RUFY3: variants seen among roughly 807,000 people sequenced by gnomAD.
The protein encoded by RUFY3 is RUN and FYVE domain containing 3.
Under a neutral mutation model 84.0 loss-of-function variants are expected in RUFY3, and 34 were observed. The observed-to-expected ratio is 0.40, with a 90% CI of 0.31 to 0.54. The LOEUF (loss-of-function observed/expected upper bound fraction) is 0.54. Among genes scored for constraint, RUFY3 ranks in the 20% least tolerant of loss-of-function variants. The probability of loss-of-function intolerance (pLI) is 0.39; values close to 1 mark genes in which losing one functional copy is unlikely to be tolerated. For missense variants in RUFY3, 507 were observed against 736.8 expected (o/e 0.69, Z 3.61); for synonymous variants, 242 against 252.9 (o/e 0.96, Z 0.41).
intron 16 of RUFY3, among the ~76,000 whole-genome samples, chr4:70,803,730 C>CTT (rs752153269): frequency 2.1e-5 from 3 of 143,514 alleles, no homozygotes; most frequent in Admixed American, 1.4e-4. Flanking sequence ...TCTTTTTTTC[C>CTT]TTTTTTTTTT....
upstream of RUFY3, chr4:70,704,610 A>C: frequency 2.7e-5 from 5 of 187,016 alleles, no homozygotes; most frequent in East Asian, 1.4e-4. Context: ...GGGAAGCGGA[A>C]GGTGGGGAGT....
chr4:70,794,860 C>G lies in RUFY3; in HGVS notation c.1523C>G (p.Pro508Arg). ...ERRLQNDRSI[P>R]GRGSQKSESK... is the part of the protein sequence containing the mutation. ...AGATTACAAAACGACAGGAGCATCC[C>G]AGGAAGGGGTTCCCAGAAGTCAGAA... The change falls in exon 14 of 18, where the codon CCA (proline) becomes CGA (arginine). Residue 508 changes from proline (P) to arginine (R), a missense_variant. By Grantham distance (103) the Pro-to-Arg change is moderately radical. This residue lies in a region of RUFY3 where 334 missense variants were observed against 364.1 expected (regional missense o/e 0.92). Coordinates refer to ENST00000381006, the MANE Select transcript of RUFY3 (RefSeq NM_001037442.4). 6.2e-7 allele frequency: 1 copy of G among 1,612,102 alleles called. No individual in the cohort carries two copies. The highest frequency in any genetic ancestry group is 8.5e-7 in the Non-Finnish European group (1 of 1,178,592).
intron 1 of RUFY3, among the ~76,000 whole-genome samples, chr4:70,744,281 C>T (rs564952289): frequency 2.1e-4 from 32 of 151,994 alleles, no homozygotes; most frequent in Non-Finnish European, 4.1e-4. Context: ...TTCCTGCAGC[C>T]TCGAACTCCC....
At chr4:70,766,363 GC>G (rs1268789305) in intron 4 of RUFY3, among the ~76,000 whole-genome samples, 1 of 152,006 alleles carries the variant, frequency 6.6e-6, no homozygotes, top group African/African-American at 2.4e-5. Context: ...TCCTGCCTCA[GC>G]CTCCCGAGTA....
In RUFY3 at chr4:70,710,399, G is replaced by A. The variant is rs547122972; in HGVS notation, c.358+5105G>A. On this transcript the variant is annotated intron_variant, in intron 1 of 11. Transcript: ENST00000417478. ...CTAGAAAACAGTAAAGGTCGGGTGC[G>A]GTGGCTCACGCCTGTAATCCCATCA... 2.0e-4 allele frequency among the ~76,000 whole-genome samples: 31 copies of A among 151,288 alleles called. No individual in the cohort carries two copies. The East Asian group carries it at 4.1e-3, about 20-fold the overall frequency.
intron 1 of RUFY3, among the ~76,000 whole-genome samples, chr4:70,757,322 G>A (rs988205931): frequency 6.6e-6 from 1 of 151,564 alleles, no homozygotes; most frequent in South Asian, 2.1e-4. Flanking sequence ...TATTTGTTCT[G>A]GGCCGGGCGC....
chr4:70,793,931 A>G, intron 13 of RUFY3, 27 bp downstream of exon 13: 2 of 1,611,898 alleles, frequency 1.2e-6, no homozygotes, highest in South Asian at 1.1e-5. Context: ...TTGAGCTGAC[A>G]GGGTGGTCAT....
intron 10 of RUFY3, among the ~76,000 whole-genome samples, chr4:70,786,233 A>T (rs913285352): frequency 6.6e-6 from 1 of 152,194 alleles, no homozygotes; most frequent in Admixed American, 6.5e-5. Context: ...AGGTGGGGTT[A>T]CCAGAGGGAG....
Position 70,789,477 on chromosome 4 carries a change from C to T in RUFY3, c.1240-18C>T, listed in dbSNP as rs73824900. The stretch of plus-strand genomic sequence containing the variant: ...GATTTATGTTATACAGGTTGTTTAT[C>T]GTTATTTTCCATAACAGAGTTCAGA... On this transcript the variant is annotated intron_variant, in intron 11 of 17. Transcript: ENST00000381006. 33 of 1,598,774 alleles carry T rather than the reference C, an allele frequency of 2.1e-5. No individual in the cohort carries two copies. In the African/African-American group the frequency reaches 3.1e-4, roughly 15 times the overall value.
intron 1 of RUFY3, among the ~76,000 whole-genome samples, chr4:70,727,274 A>T (rs1718417636): frequency 6.6e-6 from 1 of 150,846 alleles, no homozygotes; most frequent in Admixed American, 6.6e-5. Flanking sequence ...TTTAAGTCAC[A>T]TGCTCATATG....
intron 1 of RUFY3, among the ~76,000 whole-genome samples, chr4:70,745,840 C>A (rs1205327433): frequency 6.6e-6 from 1 of 152,314 alleles, no homozygotes. Flanking sequence ...AATCCCAGTA[C>A]TTTGCGGGGC....
At chr4:70,778,486 T>G (rs1358300144) in intron 8 of RUFY3, 48 bp downstream of exon 8, 2 of 988,962 alleles carry the variant, frequency 2.0e-6, no homozygotes. Flanking sequence ...TAATATGCAT[T>G]AGTAGAACCA....
intron 17 of RUFY3, among the ~76,000 whole-genome samples, chr4:70,805,969 A>C (rs1732789603): frequency 6.6e-6 from 1 of 152,220 alleles, no homozygotes; most frequent in African/African-American, 2.4e-5. Context: ...AGGAAAACAA[A>C]ATAATTTCCC....
Position 70,762,512 on chromosome 4 carries a change from G to T in RUFY3, c.179-7G>T. On this transcript the variant is annotated splice_polypyrimidine_tract_variant and splice_region_variant and intron_variant, in intron 1 of 17. Transcript: ENST00000381006. ...CCAGCCTTCATCTTCTTCCCCTTTG[G>T]CTGCAGATCCTAATTATCTCATGGC... is the stretch of plus-strand genomic sequence containing the variant. 1 of 1,593,488 alleles carries T rather than the reference G, an allele frequency of 6.3e-7. No homozygotes were observed. Among genetic ancestry groups the T allele is most frequent in the Non-Finnish European group, 8.6e-7 (1 of 1,165,834 alleles).
At chr4:70,728,408 A>G (rs1718662426) in intron 1 of RUFY3, among the ~76,000 whole-genome samples, 1 of 152,196 alleles carries the variant, frequency 6.6e-6, no homozygotes, top group Admixed American at 6.5e-5. Context: ...AAAAATCAAA[A>G]TTCAAAATTT....
upstream of RUFY3, among the ~76,000 whole-genome samples, chr4:70,720,888 CGTGTGTGT>C (rs71210198): frequency 0.035 from 4,838 of 138,518 alleles, 264 homozygotes; most frequent in African/African-American, 0.12. Flanking sequence ...AATATAGGGC[CGTGTGTGT>C]GTGTGTGTGT....
At chr4:70,754,486 A>G (rs894657881) in intron 1 of RUFY3, among the ~76,000 whole-genome samples, 2 of 152,122 alleles carry the variant, frequency 1.3e-5, no homozygotes, top group Non-Finnish European at 2.9e-5. Context: ...AGTTATGGAT[A>G]TAGATATATA....
At chr4:70,787,187 A>ATATATAT (rs1341692129) in intron 10 of RUFY3, among the ~76,000 whole-genome samples, 39 of 81,472 alleles carry the variant, frequency 4.8e-4, no homozygotes, top group Middle Eastern at 0.011. Context: ...AAAAAAAAAA[A>ATATATAT]ATATATATAT....
intron 1 of RUFY3, among the ~76,000 whole-genome samples, chr4:70,713,019 T>G (rs989347153): frequency 5.3e-5 from 8 of 152,202 alleles, no homozygotes; most frequent in South Asian, 4.1e-4. Context: ...AGGAAATTTT[T>G]TTTTGTTTTG....
Sources: gnomAD v4.1 joint callset for allele counts (sites outside exome capture counted in the v4.1 genomes callset) on GRCh38, gnomAD v4.1.1 for gene constraint, gnomAD v4.1.1 regional missense constraint, MANE v1.5 for transcripts, NCBI Gene and HGNC (gene_info 2026-07-23, HGNC 2026-07-21) for gene names.